PALM2AKAP2: variants seen among roughly 807,000 people sequenced by gnomAD.
PALM2AKAP2 encodes the protein PALM2 and AKAP2 fusion.
A neutral mutation model predicts 71.5 loss-of-function variants in PALM2AKAP2; 37 were observed. That is an observed-to-expected ratio of 0.52 (90% CI 0.40 to 0.68). PALM2AKAP2 has a LOEUF of 0.68. PALM2AKAP2 is among the 30% of genes least tolerant of loss of function. PALM2AKAP2 has a pLI of 0.00. For synonymous variants in PALM2AKAP2, 468 were observed against 478.8 expected (o/e 0.98, Z 0.29); for missense variants, 1,224 against 1,191.8 (o/e 1.03, Z -0.40).
chr9:110,150,972 A>G (rs999590286), intron 2 of PALM2AKAP2, among the ~76,000 whole-genome samples: 2 of 152,210 alleles, frequency 1.3e-5, no homozygotes, highest in Non-Finnish European at 2.9e-5. Context: ...TAAATGAGCC[A>G]TAGCTAACTT....
chr9:109,683,284 G>T (rs1470519809), intron 1 of PALM2AKAP2, among the ~76,000 whole-genome samples: 1 of 152,114 alleles, frequency 6.6e-6, no homozygotes, highest in Non-Finnish European at 1.5e-5. Context: ...AACATAGCAA[G>T]AATGGATTAA....
At chr9:109,985,141 A>T (rs1187795251) in intron 6 of PALM2AKAP2, among the ~76,000 whole-genome samples, 1 of 152,072 alleles carries the variant, frequency 6.6e-6, no homozygotes, top group East Asian at 1.9e-4. Flanking sequence ...ACGCCATTGC[A>T]CTCCAGCCTG....
chr9:109,707,228 G>A (rs1431515969), intron 1 of PALM2AKAP2, among the ~76,000 whole-genome samples: 1 of 151,704 alleles, frequency 6.6e-6, no homozygotes, highest in Non-Finnish European at 1.5e-5. Context: ...CATTTTTCTG[G>A]CTGCCAGCAT....
At chr9:109,680,919 A>G (rs1476797559) in intron 1 of PALM2AKAP2, among the ~76,000 whole-genome samples, 3 of 152,226 alleles carry the variant, frequency 2.0e-5, no homozygotes, top group Non-Finnish European at 4.4e-5. Context: ...ATCCAAGTTC[A>G]TAGATTCCCC....
chr9:110,028,217 A>G (rs952813891), intron 7 of PALM2AKAP2, among the ~76,000 whole-genome samples: 2 of 152,194 alleles, frequency 1.3e-5, no homozygotes, highest in African/African-American at 4.8e-5. Context: ...ATTAATGGTT[A>G]TTTATTGTTC....
intron 1 of PALM2AKAP2, among the ~76,000 whole-genome samples, chr9:109,646,072 T>C (rs1440465738): frequency 6.6e-6 from 1 of 152,098 alleles, no homozygotes; most frequent in African/African-American, 2.4e-5. Flanking sequence ...CTGATTGAAG[T>C]TAAAATTTTT....
rs1043137187 is a variant in PALM2AKAP2 at position 109,823,519 on chromosome 9, G to A, written c.45+42986G>A. Among the ~76,000 whole-genome samples, 6 of 152,344 alleles carry A rather than the reference G, an allele frequency of 3.9e-5. No individual in the cohort carries two copies. In the South Asian group the frequency reaches 1.0e-3, roughly 26 times the overall value. On this transcript the variant is annotated intron_variant, in intron 1 of 9. Transcript: ENST00000302798. ...AATTATTTAAAGGACCACTTTATGG[G>A]AGGGGGATAGGTGTGTTACCTGTCT...
chr9:109,969,843 G>A (rs1832032128), intron 6 of PALM2AKAP2, among the ~76,000 whole-genome samples: 1 of 148,358 alleles, frequency 6.7e-6, no homozygotes, highest in Non-Finnish European at 1.5e-5. Context: ...CTGGGAGAAA[G>A]TGCACCCCTC....
intron 1 of PALM2AKAP2, among the ~76,000 whole-genome samples, chr9:110,059,382 T>C (rs776236422): frequency 6.6e-6 from 1 of 152,198 alleles, no homozygotes; most frequent in African/African-American, 2.4e-5. Context: ...TGTTGTTCTA[T>C]TATGTCCTCC....
At chr9:110,095,699 C>T (rs1399474138) in intron 1 of PALM2AKAP2, among the ~76,000 whole-genome samples, 1 of 152,192 alleles carries the variant, frequency 6.6e-6, no homozygotes, top group Non-Finnish European at 1.5e-5. Context: ...ATTAATTCTT[C>T]CCTTCCATTG....
intron 1 of PALM2AKAP2, among the ~76,000 whole-genome samples, chr9:110,096,866 A>C (rs1235831709): frequency 6.6e-6 from 1 of 152,144 alleles, no homozygotes; most frequent in Non-Finnish European, 1.5e-5. Flanking sequence ...TATTCATAGC[A>C]TGAATGATGT....
At chr9:109,649,758 G>C (rs1827200777) in intron 1 of PALM2AKAP2, among the ~76,000 whole-genome samples, 1 of 152,200 alleles carries the variant, frequency 6.6e-6, no homozygotes, top group African/African-American at 2.4e-5. Flanking sequence ...GATGGAGACA[G>C]TGATTTGGGG....
At chr9:110,132,085 C>G (rs1289383600) in intron 1 of PALM2AKAP2, among the ~76,000 whole-genome samples, 3 of 151,312 alleles carry the variant, frequency 2.0e-5, no homozygotes, top group African/African-American at 7.3e-5. Flanking sequence ...GAGTTTCACT[C>G]TTATTGACCA....
chr9:110,119,341 C>CAAAAAAAAA (rs200861093), intron 1 of PALM2AKAP2, among the ~76,000 whole-genome samples: 1 of 88,926 alleles, frequency 1.1e-5, no homozygotes, highest in African/African-American at 3.9e-5. Flanking sequence ...GACTCCATCT[C>CAAAAAAAAA]AAAAAAAAAA....
intron 1 of PALM2AKAP2, among the ~76,000 whole-genome samples, chr9:109,805,022 G>A (rs558002691): frequency 9.9e-4 from 150 of 152,184 alleles, no homozygotes; most frequent in African/African-American, 2.7e-3. Flanking sequence ...TTCTCATGCC[G>A]TTATAAACTC....
rs80087624 is a variant in PALM2AKAP2 at position 109,877,986 on chromosome 9, A to G, written c.127-2565A>G. Among the ~76,000 whole-genome samples, 1,128 of 152,336 alleles carry G rather than the reference A, an allele frequency of 7.4e-3. 16 individuals carry two copies. The highest frequency in any genetic ancestry group is 0.026 in the African/African-American group (1,068 of 41,580). On this transcript the variant is annotated intron_variant, in intron 2 of 9. Transcript: ENST00000302798. ...TCTGAATAAAAATATAAAAACATGA[A>G]TTGATTAAAAAATGGCCTCTCATAA...
intron 1 of PALM2AKAP2, among the ~76,000 whole-genome samples, chr9:110,100,704 T>A (rs564005095): frequency 1.3e-5 from 2 of 152,324 alleles, no homozygotes; most frequent in East Asian, 3.9e-4. Context: ...TCAGGGGGAT[T>A]GTGTTTAGAA....
intron 3 of PALM2AKAP2, among the ~76,000 whole-genome samples, chr9:109,920,977 TC>T (rs1260119205): frequency 6.6e-6 from 1 of 151,990 alleles, no homozygotes; most frequent in Non-Finnish European, 1.5e-5. Context: ...CTTTACTTAC[TC>T]CCCCCAAAAT....
At chr9:109,681,272 A>G (rs1827728901) in intron 1 of PALM2AKAP2, among the ~76,000 whole-genome samples, 2 of 152,248 alleles carry the variant, frequency 1.3e-5, no homozygotes, top group Non-Finnish European at 1.5e-5. Context: ...CCTGTTAGAT[A>G]GGAAAGAGAG....
Sources: gnomAD v4.1 joint callset for allele counts (sites outside exome capture counted in the v4.1 genomes callset) on GRCh38, gnomAD v4.1.1 for gene constraint, MANE v1.5 for transcripts, NCBI Gene and HGNC (gene_info 2026-07-23, HGNC 2026-07-21) for gene names.